CYRIB: variants seen among roughly 807,000 people sequenced by gnomAD.
CYRIB encodes the protein CYFIP related Rac1 interactor B.
Under a neutral mutation model 44.2 loss-of-function variants are expected in CYRIB, and 8 were observed. The ratio of observed to expected loss-of-function variants is 0.18; its 90% confidence interval spans 0.11 to 0.33. The LOEUF (loss-of-function observed/expected upper bound fraction) is 0.33, where lower values mean the gene tolerates loss of function less well. Among genes scored for constraint, CYRIB ranks in the 10% least tolerant of loss-of-function variants. The probability of loss-of-function intolerance (pLI) is 1.00; values close to 1 mark genes in which losing one functional copy is unlikely to be tolerated. For synonymous variants in CYRIB, 131 were observed against 127.2 expected, an observed-to-expected ratio of 1.03 and a Z score of -0.20; for missense variants, 185 against 382.8, an observed-to-expected ratio of 0.48 and a Z score of 4.31.
At chr8:129,993,501 G>A (rs944767772) in intron 1 of CYRIB, among the ~76,000 whole-genome samples, 14 of 151,838 alleles carry the variant, frequency 9.2e-5, no homozygotes, top group South Asian at 4.2e-4. Flanking sequence ...GTTCAAGACC[G>A]GACTGGACAA....
chr8:129,953,645 C>T (rs2094620663), intron 2 of CYRIB, among the ~76,000 whole-genome samples: 1 of 152,170 alleles, frequency 6.6e-6, no homozygotes, highest in Non-Finnish European at 1.5e-5. Flanking sequence ...CGGAGCCTGG[C>T]ACAAGGCGGG....
At chr8:129,930,063 T>A (rs1226806394) in intron 1 of CYRIB, among the ~76,000 whole-genome samples, 1 of 151,330 alleles carries the variant, frequency 6.6e-6, no homozygotes, top group African/African-American at 2.4e-5. Flanking sequence ...ATACAAAAAT[T>A]CGCCGGGCGT....
intron 2 of CYRIB, among the ~76,000 whole-genome samples, chr8:129,889,303 A>G (rs1369935107): frequency 6.6e-6 from 1 of 152,218 alleles, no homozygotes; most frequent in Non-Finnish European, 1.5e-5. Context: ...CACCTAGTCA[A>G]TCAAGAACTC....
intron 1 of CYRIB, among the ~76,000 whole-genome samples, chr8:129,975,701 A>C (rs1250450849): frequency 6.6e-6 from 1 of 152,216 alleles, no homozygotes; most frequent in Non-Finnish European, 1.5e-5. Flanking sequence ...GAAACAGACG[A>C]AGGAAAACAG....
upstream of CYRIB, among the ~76,000 whole-genome samples, chr8:129,943,755 C>T (rs1290630591): frequency 6.6e-6 from 1 of 150,766 alleles, no homozygotes; most frequent in East Asian, 2.0e-4. Flanking sequence ...CCCACCATCA[C>T]GCCCGGCTAA....
chr8:129,911,014 G>A (rs1185906071), intron 1 of CYRIB, among the ~76,000 whole-genome samples: 1 of 152,134 alleles, frequency 6.6e-6, no homozygotes, highest in Non-Finnish European at 1.5e-5. Flanking sequence ...CCACAATTGT[G>A]TAACTTAGTC....
chr8:129,986,019 C>T (rs1363416025), intron 1 of CYRIB, among the ~76,000 whole-genome samples: 1 of 152,140 alleles, frequency 6.6e-6, no homozygotes, highest in Admixed American at 6.5e-5. Context: ...GTGTCCCTCC[C>T]CCAGCACTCC....
At chr8:129,995,602 G>C (rs1006190619) in intron 1 of CYRIB, among the ~76,000 whole-genome samples, 1 of 152,224 alleles carries the variant, frequency 6.6e-6, no homozygotes, top group African/African-American at 2.4e-5. Context: ...CAGTAAGCTG[G>C]AGGAGAGGAG....
chr8:129,976,907 T>C (rs2095951837), intron 1 of CYRIB, among the ~76,000 whole-genome samples: 1 of 151,878 alleles, frequency 6.6e-6, no homozygotes, highest in South Asian at 2.1e-4. Flanking sequence ...AATGGCGCAA[T>C]CTCTGCTTAC....
At chr8:129,934,229 C>T (rs1178682121) in intron 1 of CYRIB, among the ~76,000 whole-genome samples, 2 of 152,104 alleles carry the variant, frequency 1.3e-5, no homozygotes, top group African/African-American at 4.8e-5. Flanking sequence ...AATTGAATGC[C>T]TAACTCATGG....
At chr8:129,858,769 GAGCAAGACTGAGGGGAGACAA>G (rs1349404494) in intron 5 of CYRIB, among the ~76,000 whole-genome samples, 1 of 152,184 alleles carries the variant, frequency 6.6e-6, no homozygotes, top group Non-Finnish European at 1.5e-5. Context: ...CCTAAAGCAT[GAGCAAGACTGAGGGGAGACAA>G]AGCAGTTTGT....
At chr8:129,980,459 G>A (rs534056058) in intron 1 of CYRIB, among the ~76,000 whole-genome samples, 30 of 152,200 alleles carry the variant, frequency 2.0e-4, no homozygotes, top group East Asian at 1.4e-3. Flanking sequence ...ATTTTAATAC[G>A]CAGTCTTGTT....
At chr8:129,878,331 C>G (rs905005911) in intron 3 of CYRIB, among the ~76,000 whole-genome samples, 1 of 151,864 alleles carries the variant, frequency 6.6e-6, no homozygotes, top group African/African-American at 2.4e-5. Flanking sequence ...ATATGAACTG[C>G]CATGGTTTAG....
At chr8:129,939,447 G>A (rs1336866231) in intron 1 of CYRIB, among the ~76,000 whole-genome samples, 1 of 151,722 alleles carries the variant, frequency 6.6e-6, no homozygotes, top group Non-Finnish European at 1.5e-5. Flanking sequence ...CGGGCCCGGG[G>A]CGTCGCGGGG....
At chr8:129,935,437 T>C (rs985024777) in intron 1 of CYRIB, among the ~76,000 whole-genome samples, 1 of 152,298 alleles carries the variant, frequency 6.6e-6, no homozygotes, top group East Asian at 1.9e-4. Flanking sequence ...GCACAAAACC[T>C]GGATGCCTCT....
intron 1 of CYRIB, among the ~76,000 whole-genome samples, chr8:129,991,004 C>A (rs570285258): frequency 2.0e-3 from 301 of 151,954 alleles, no homozygotes; most frequent in Non-Finnish European, 3.3e-3. Flanking sequence ...CAGTGGCAGG[C>A]GCCTGTAATC....
At chr8:129,936,959 G>A (rs956324293) in intron 1 of CYRIB, among the ~76,000 whole-genome samples, 14 of 152,004 alleles carry the variant, frequency 9.2e-5, no homozygotes, top group African/African-American at 3.1e-4. Flanking sequence ...CGCCCGCCTC[G>A]GCCTCCCAAA....
At chr8:129,977,821 T>G (rs575346930) in intron 1 of CYRIB, among the ~76,000 whole-genome samples, 1 of 152,160 alleles carries the variant, frequency 6.6e-6, no homozygotes, top group Non-Finnish European at 1.5e-5. Context: ...CGTGAGCCAC[T>G]GCTCCCGTCC....
At chr8:129,917,670 A>C (rs1297127969) in intron 1 of CYRIB, among the ~76,000 whole-genome samples, 1 of 152,152 alleles carries the variant, frequency 6.6e-6, no homozygotes, top group East Asian at 1.9e-4. Context: ...CAGCCTGACC[A>C]ACATGGTGAA....
Sources: allele counts gnomAD v4.1 joint callset (sites outside exome capture counted in the v4.1 genomes callset), GRCh38; gene constraint gnomAD v4.1.1; transcripts MANE v1.5; gene names NCBI Gene and HGNC (gene_info 2026-07-23, HGNC 2026-07-21).